The following CUX1 variants were observed in gnomAD, a reference collection of about 807,000 sequenced individuals.
The protein encoded by CUX1 is cut like homeobox 1.
A neutral mutation model predicts 158.8 loss-of-function variants in CUX1; 31 were observed. That is an observed-to-expected ratio of 0.20 (90% CI 0.15 to 0.26). The LOEUF (loss-of-function observed/expected upper bound fraction) is 0.26, where lower values mean the gene tolerates loss of function less well. CUX1 is among the 10% of genes least tolerant of loss of function. The pLI is 1.00. For synonymous variants in CUX1, 879 were observed against 862.1 expected (o/e 1.02, Z -0.34); for missense variants, 1,589 against 2,014.6 (o/e 0.79, Z 4.04).
In CUX1 at chr7:102,251,554, C is replaced by G. The variant is rs1801504834; in HGVS notation, c.*2512C>G. 1 of 985,278 alleles carries G rather than the reference C, an allele frequency of 1.0e-6. No individual in the cohort carries two copies. The highest frequency in any genetic ancestry group is 4.7e-5 in the South Asian group (1 of 21,284). The allele number at this position is 985,278 out of a possible 1,614,324, so 61.0% of individuals were successfully genotyped here. The stretch of plus-strand genomic sequence containing the variant: ...TTTTGTTGGGGGTATCATTTCTGAA[C>G]TTGAAATCCAGTTCAGGGAGAAGAG... On this transcript the variant is annotated 3_prime_UTR_variant, in exon 24 of 24. Coordinates refer to ENST00000292535, the MANE Select transcript of CUX1 (RefSeq NM_181552.4).
intron 1 of CUX1, among the ~76,000 whole-genome samples, chr7:101,904,860 C>T (rs1264555403): frequency 1.3e-5 from 2 of 152,146 alleles, no homozygotes; most frequent in Non-Finnish European, 2.9e-5. Flanking sequence ...TGAGCCACTG[C>T]GCCTGGCCCC....
intron 2 of CUX1, among the ~76,000 whole-genome samples, chr7:101,995,347 C>T (rs924257980): frequency 7.2e-5 from 11 of 152,186 alleles, no homozygotes; most frequent in African/African-American, 2.7e-4. Context: ...TCACAAAGCA[C>T]GCCAGGTGCA....
In CUX1 at chr7:102,216,200, C is replaced by A. The variant is rs539009792; in HGVS notation, c.3130+11030C>A. Among the ~76,000 whole-genome samples the A allele has an allele frequency of 1.6e-3, 247 of 152,136 alleles. 1 individual carries two copies. Among genetic ancestry groups the A allele is most frequent in the South Asian group, 2.7e-3 (13 of 4,802 alleles). On this transcript the variant is annotated intron_variant, in intron 20 of 23. Coordinates refer to ENST00000292535, the MANE Select transcript of CUX1 (RefSeq NM_181552.4). ...GCATCTATAATCTATAGTCTATAGT[C>A]CCAGCTACTTTGGAGGCTGAGGCGG... is the stretch of plus-strand genomic sequence containing the variant.
intron 4 of CUX1, 69 bp downstream of exon 4, chr7:102,070,486 C>T (rs1826007705): frequency 8.9e-6 from 11 of 1,230,584 alleles, no homozygotes; most frequent in Admixed American, 2.2e-5. Flanking sequence ...GTTTTTGGCT[C>T]ATTCTTCTTG....
At chr7:102,168,938 C>CTTTTTTTTTTTTT (rs782482609) in intron 9 of CUX1, among the ~76,000 whole-genome samples, 18 of 52,624 alleles carry the variant, frequency 3.4e-4, no homozygotes, top group Admixed American at 4.1e-4. Flanking sequence ...CTTTTATTTT[C>CTTTTTTTTTTTTT]TTTTTTTTTT....
At chr7:102,009,242 C>A (rs1399204355) in intron 2 of CUX1, among the ~76,000 whole-genome samples, 1 of 152,162 alleles carries the variant, frequency 6.6e-6, no homozygotes, top group African/African-American at 2.4e-5. Context: ...ACCTGAAGGG[C>A]TGTTTGGAAG....
chr7:102,097,414 C>G lies in CUX1; in HGVS notation c.319C>G (p.Arg107Gly), dbSNP rs782680467. ...LGQQLQLKVQ[R>G]LHDIETENQK... Reference sequence around the variant, plus strand: ...ACAGCAACTCCAGCTCAAAGTGCAGCGCCTGCACGATATTGAAACAGAGAA... The same window carrying G: ...ACAGCAACTCCAGCTCAAAGTGCAGGGCCTGCACGATATTGAAACAGAGAA... Residue 107 changes from arginine to glycine, a missense_variant, in exon 5 of 24, where the codon CGC becomes GGC. Physicochemically the swap from Arg to Gly is moderately radical, Grantham distance 125. Around this residue, in one of 8 missense-constraint regions of CUX1, gnomAD observed 515 missense variants for 574.4 expected, o/e 0.90. Transcript: ENST00000292535. 2.5e-6 allele frequency: 4 copies of G among 1,613,614 alleles called. No individual in the cohort carries two copies. The highest frequency in any genetic ancestry group is 3.4e-6 in the Non-Finnish European group (4 of 1,179,898).
intron 14 of CUX1, chr7:102,264,992 C>A (rs1303544000): frequency 6.6e-6 from 1 of 152,204 alleles, no homozygotes; most frequent in South Asian, 2.1e-4. Context: ...ACAGACAGCA[C>A]GAGGTCAGAG....
chr7:102,229,120 C>T (rs1798670571), intron 21 of CUX1, among the ~76,000 whole-genome samples: 1 of 152,210 alleles, frequency 6.6e-6, no homozygotes, highest in Non-Finnish European at 1.5e-5. Flanking sequence ...TCACAGCCCA[C>T]AGCTGGGGCG....
chr7:102,057,577 G>C (rs1342526939), intron 3 of CUX1, among the ~76,000 whole-genome samples: 1 of 152,100 alleles, frequency 6.6e-6, no homozygotes, highest in Non-Finnish European at 1.5e-5. Flanking sequence ...GACTTTGAGG[G>C]GTTCAAGGCT....
intron 1 of CUX1, among the ~76,000 whole-genome samples, chr7:101,857,176 T>C (rs1232189963): frequency 6.6e-6 from 1 of 152,110 alleles, no homozygotes; most frequent in Non-Finnish European, 1.5e-5. Context: ...GGTCCTGATG[T>C]CCTCCCTCTC....
At chr7:101,991,913 T>A (rs966144809) in intron 2 of CUX1, among the ~76,000 whole-genome samples, 18 of 151,784 alleles carry the variant, frequency 1.2e-4, no homozygotes, top group Non-Finnish European at 1.6e-4. Context: ...AATAAAAAAT[T>A]AGCAGGGCAT....
At chr7:101,835,247 G>A (rs909032075) in intron 1 of CUX1, among the ~76,000 whole-genome samples, 12 of 152,178 alleles carry the variant, frequency 7.9e-5, no homozygotes, top group East Asian at 5.8e-4. Context: ...CATGGATTAC[G>A]TGACCTTCGT....
At chr7:101,853,157 C>T (rs1041452901) in intron 1 of CUX1, among the ~76,000 whole-genome samples, 1 of 152,182 alleles carries the variant, frequency 6.6e-6, no homozygotes, top group South Asian at 2.1e-4. Flanking sequence ...TTCCTCCCAC[C>T]TCCTATTCCC....
At chr7:102,027,548 C>G (rs149313124) in intron 2 of CUX1, among the ~76,000 whole-genome samples, 4 of 151,998 alleles carry the variant, frequency 2.6e-5, no homozygotes, top group African/African-American at 7.2e-5. Flanking sequence ...TATATGTGAC[C>G]AGGAGTTAGT....
intron 17 of CUX1, 129 bp downstream of exon 17, chr7:102,200,301 G>A: frequency 1.5e-6 from 1 of 688,436 alleles, no homozygotes; most frequent in Non-Finnish European, 2.4e-6. Context: ...AAGCATTTAG[G>A]CACGTAGAGA....
intron 1 of CUX1, among the ~76,000 whole-genome samples, chr7:101,848,070 A>G (rs1397472359): frequency 6.6e-6 from 1 of 150,856 alleles, no homozygotes; most frequent in Non-Finnish European, 1.5e-5. Flanking sequence ...AAAAAAAAAA[A>G]AAAAAGAAAA....
chr7:102,170,658 T>C lies in CUX1; in HGVS notation c.828+108T>C, dbSNP rs551337387. On this transcript the variant is annotated intron_variant, in intron 10 of 23. Transcript: ENST00000292535. ...TCAGCATCTCTTTTTGGGAATCACG[T>C]TTTAACTAGTACTGCTTTCTCGGTG... 5.5e-6 allele frequency: 4 copies of C among 733,452 alleles called. No homozygotes were observed. In the South Asian group the frequency reaches 7.5e-5, roughly 14 times the overall value. 45.4% of individuals were successfully genotyped at this position (733,452 alleles called of 1,614,324 possible). A position where few individuals can be genotyped will look rare whatever the true frequency, so the allele number is the denominator to read the frequency against.
In CUX1 at chr7:101,817,749, C is replaced by T. The variant is rs1792035685; in HGVS notation, c.30+80C>T. The T allele has an allele frequency of 6.6e-7, 1 of 1,518,012 alleles. No individual in the cohort carries two copies. The highest frequency in any genetic ancestry group is 1.2e-5 in the South Asian group (1 of 82,066). The allele number at this position is 1,518,012 out of a possible 1,614,324, so 94.0% of individuals were successfully genotyped here. ...GATGTCGGGGGGTGCCCGGGTCCCG[C>T]GGCTTAGAATGCTCTAGGGCGGCCT... On this transcript the variant is annotated intron_variant, in intron 1 of 23. Transcript: ENST00000292535. This position sits in a 1 kb window ranked among gnomAD's most constrained non-coding sequence, Gnocchi z 4.1.
Sources: gnomAD v4.1 joint callset for allele counts (sites outside exome capture counted in the v4.1 genomes callset) on GRCh38, gnomAD v4.1.1 for gene constraint, gnomAD v4.1.1 regional missense constraint, Gnocchi (gnomAD v3.1) non-coding constraint, MANE v1.5 for transcripts, NCBI Gene and HGNC (gene_info 2026-07-23, HGNC 2026-07-21) for gene names.